The following SLC35D1 variants were observed in gnomAD, a reference collection of about 807,000 sequenced individuals.
SLC35D1 encodes the protein nucleotide sugar transporter SLC35D1.
In SLC35D1, 31 loss-of-function variants were observed where a neutral mutation model predicts 46.7. The observed-to-expected ratio is 0.66, with a 90% CI of 0.50 to 0.90. SLC35D1 has a LOEUF of 0.90. SLC35D1 is among the 40% of genes least tolerant of loss of function. The probability of loss-of-function intolerance (pLI) is 0.00; values close to 1 mark genes in which losing one functional copy is unlikely to be tolerated. For missense variants in SLC35D1, 397 were observed against 426.2 expected (o/e 0.93, Z 0.60); for synonymous variants, 195 against 164.6 (o/e 1.18, Z -1.41).
At chr1:67,007,369 G>A (rs1667472892) in intron 11 of SLC35D1, among the ~76,000 whole-genome samples, 1 of 152,106 alleles carries the variant, frequency 6.6e-6, no homozygotes, top group Admixed American at 6.6e-5. Flanking sequence ...TCATGAGGAT[G>A]CCAATTCCAT....
intron 6 of SLC35D1, among the ~76,000 whole-genome samples, chr1:67,048,718 G>C (rs1173958385): frequency 1.3e-5 from 2 of 152,104 alleles, no homozygotes; most frequent in Non-Finnish European, 2.9e-5. Context: ...GCATGCCCTG[G>C]GCTGATTAAA....
At chr1:66,976,447 C>A in the SLC35D1 span, 22 of 542,432 alleles carry the variant, frequency 4.1e-5, no homozygotes, top group Non-Finnish European at 6.3e-5. Flanking sequence ...GAATAGCTTT[C>A]AACATAGCTG....
the SLC35D1 span, chr1:66,986,085 G>GCA: frequency 9.5e-7 from 1 of 1,049,598 alleles, no homozygotes; most frequent in Non-Finnish European, 1.1e-6. Context: ...TTAGATATTG[G>GCA]CACACACAAG....
chr1:66,986,015 T>C, the SLC35D1 span: 1 of 992,022 alleles, frequency 1.0e-6, no homozygotes, highest in South Asian at 4.6e-5. Flanking sequence ...TATTTTTATA[T>C]GCATCATAAA....
chr1:66,996,237 A>T (rs1667237290), downstream of SLC35D1, among the ~76,000 whole-genome samples: 1 of 152,268 alleles, frequency 6.6e-6, no homozygotes, highest in African/African-American at 2.4e-5. Flanking sequence ...AGGTGTTGCC[A>T]CAAGAGGGCA....
chr1:66,983,779 A>G, the SLC35D1 span, among the ~76,000 whole-genome samples: 64,236 of 151,982 alleles, frequency 0.42, 15,668 homozygotes, highest in African/African-American at 0.67. Context: ...CCAGGCTGGA[A>G]TGCAGTGGCA....
the SLC35D1 span, among the ~76,000 whole-genome samples, chr1:66,980,526 T>TA: frequency 6.6e-6 from 1 of 152,178 alleles, no homozygotes; most frequent in Non-Finnish European, 1.5e-5. Flanking sequence ...TAACTACAAT[T>TA]AATAGCATAT....
At chr1:67,026,149 C>A (rs974977289) in intron 8 of SLC35D1, among the ~76,000 whole-genome samples, 1 of 152,114 alleles carries the variant, frequency 6.6e-6, no homozygotes, top group African/African-American at 2.4e-5. Flanking sequence ...GCAATAGATT[C>A]TTTGGTAGAT....
intron 6 of SLC35D1, 152 bp downstream of exon 6, chr1:67,049,630 C>A: frequency 1.4e-6 from 1 of 711,868 alleles, no homozygotes; most frequent in Non-Finnish European, 2.4e-6. Flanking sequence ...TTAATACAGC[C>A]AAAAAGATTT....
the SLC35D1 span, chr1:66,986,210 T>C: frequency 8.0e-7 from 1 of 1,256,050 alleles, no homozygotes; most frequent in African/African-American, 1.5e-5. Context: ...TTTTCCAAAG[T>C]GAAAATAAGA....
At chr1:67,036,710 CTT>C (rs56674117) in intron 8 of SLC35D1, among the ~76,000 whole-genome samples, 83,605 of 144,330 alleles carry the variant, frequency 0.58, 25,732 homozygotes, top group East Asian at 0.83. Flanking sequence ...ATCACTGGGT[CTT>C]TTTTTTTTTT....
chr1:67,011,247 T>C (rs1223619498), intron 10 of SLC35D1, among the ~76,000 whole-genome samples: 1 of 152,210 alleles, frequency 6.6e-6, no homozygotes, highest in Non-Finnish European at 1.5e-5. Context: ...TACTAGTCTG[T>C]CTTTTGTGAG....
Position 67,003,992 on chromosome 1 carries a change from C to T in SLC35D1, c.*348G>A, listed in dbSNP as rs138763405. On this transcript the variant is annotated 3_prime_UTR_variant, in exon 12 of 12. Coordinates refer to ENST00000235345, the MANE Select transcript of SLC35D1 (RefSeq NM_015139.3). ...GAATGATGAAGCTCCAGTTGGCAAA[C>T]ATTACATATGCAGCTCTCAGGGACA... is the stretch of plus-strand genomic sequence containing the variant. 1.3e-3 allele frequency: 322 copies of T among 249,504 alleles called. 1 individual carries two copies. The highest frequency in any genetic ancestry group is 7.0e-3 in the African/African-American group (310 of 44,390). 15.5% of individuals were successfully genotyped at this position (249,504 alleles called of 1,614,324 possible). A position where few individuals can be genotyped will look rare whatever the true frequency, so the allele number is the denominator to read the frequency against.
Position 67,053,898 on chromosome 1 carries a change from A to G in SLC35D1, c.116T>C (p.Val39Ala), listed in dbSNP as rs759224808. Residue 39 changes from valine to alanine, a missense_variant, in exon 1 of 12, where the codon GTG becomes GCG. Coordinates refer to ENST00000235345, the MANE Select transcript of SLC35D1 (RefSeq NM_015139.3). The part of the protein sequence containing the change: ...LGMASAETLT[V>A]FLKLLAAGFY... ...GCCGGCGGCCAGCAGCTTCAGAAACACGGTCAGCGTTTCGGCCGACGCCAT... is the reference window on the plus strand; with the variant it reads ...GCCGGCGGCCAGCAGCTTCAGAAACGCGGTCAGCGTTTCGGCCGACGCCAT... 1.9e-6 allele frequency: 3 copies of G among 1,613,684 alleles called. No homozygotes were observed. The highest frequency in any genetic ancestry group is 2.5e-6 in the Non-Finnish European group (3 of 1,179,722).
intron 8 of SLC35D1, among the ~76,000 whole-genome samples, chr1:67,029,862 G>A (rs899594381): frequency 6.6e-6 from 1 of 152,128 alleles, no homozygotes; most frequent in African/African-American, 2.4e-5. Flanking sequence ...CATTTTAACT[G>A]TTTCTTACAC....
intron 8 of SLC35D1, among the ~76,000 whole-genome samples, chr1:67,027,454 C>T (rs181117742): frequency 3.0e-4 from 45 of 151,846 alleles, no homozygotes; most frequent in Middle Eastern, 6.8e-3. Context: ...ATTCTTCCTT[C>T]TTAAAAGACA....
intron 8 of SLC35D1, among the ~76,000 whole-genome samples, chr1:67,036,759 A>T (rs1488697369): frequency 2.8e-5 from 4 of 142,040 alleles, no homozygotes; most frequent in African/African-American, 5.3e-5. Context: ...ATGTCTTTTG[A>T]TTGGAGAGTT....
chr1:66,984,606 C>A, the SLC35D1 span: 1 of 1,607,712 alleles, frequency 6.2e-7, no homozygotes, highest in South Asian at 1.1e-5. Context: ...AAATATTAAA[C>A]AAAGAGGAAG....
intron 8 of SLC35D1, among the ~76,000 whole-genome samples, chr1:67,028,075 TTTTC>T (rs200023918): frequency 0.082 from 12,108 of 148,012 alleles, 628 homozygotes; most frequent in African/African-American, 0.16. Flanking sequence ...TATTTTCTGA[TTTTC>T]TTTGTGATTT....
Sources: allele counts gnomAD v4.1 joint callset (sites outside exome capture counted in the v4.1 genomes callset), GRCh38; gene constraint gnomAD v4.1.1; transcripts MANE v1.5; gene names NCBI Gene and HGNC (gene_info 2026-07-23, HGNC 2026-07-21).